Variants in PCBP3 observed in about 807,000 individuals in gnomAD.
The protein encoded by PCBP3 is poly(rC)-binding protein 3.
A neutral mutation model predicts 52.7 loss-of-function variants in PCBP3; 25 were observed. The ratio of observed to expected loss-of-function variants is 0.47; its 90% CI spans 0.35 to 0.66. The LOEUF (loss-of-function observed/expected upper bound fraction) is 0.66. Ranked by LOEUF, PCBP3 falls within the 30% of genes least tolerant of loss-of-function variation. The probability of loss-of-function intolerance (pLI) is 0.01; values close to 1 mark genes in which losing one functional copy is unlikely to be tolerated. For synonymous variants in PCBP3, 162 were observed against 183.0 expected, an observed-to-expected ratio of 0.89 and a Z score of 0.93; for missense variants, 391 against 490.3, an observed-to-expected ratio of 0.80 and a Z score of 1.91.
chr21:45,733,181 C>T (rs986146341), intron 2 of PCBP3, among the ~76,000 whole-genome samples: 1 of 152,118 alleles, frequency 6.6e-6, no homozygotes, highest in African/African-American at 2.4e-5. Context: ...TCTCTGCATG[C>T]TTGATTTGTG....
At chr21:45,940,756 C>T (rs1052741591) in intron 17 of PCBP3, among the ~76,000 whole-genome samples, 5 of 139,126 alleles carry the variant, frequency 3.6e-5, no homozygotes, top group African/African-American at 1.6e-4. Context: ...CCAGTCCCCC[C>T]GCCAGGCATG....
intron 4 of PCBP3, among the ~76,000 whole-genome samples, chr21:45,826,592 T>C (rs1379217900): frequency 6.6e-6 from 1 of 152,136 alleles, no homozygotes; most frequent in Non-Finnish European, 1.5e-5. Flanking sequence ...ACAAAGGTGC[T>C]GGGTATTTTA....
chr21:45,764,346 T>C (rs988672718), intron 4 of PCBP3, among the ~76,000 whole-genome samples: 12 of 152,186 alleles, frequency 7.9e-5, no homozygotes, highest in Non-Finnish European at 1.5e-5. Flanking sequence ...GGTCTCGAAC[T>C]CCCGACCTCA....
chr21:45,845,904 G>A (rs1224061461), intron 4 of PCBP3, among the ~76,000 whole-genome samples: 1 of 152,198 alleles, frequency 6.6e-6, no homozygotes, highest in Non-Finnish European at 1.5e-5. Flanking sequence ...TGTTACTCCC[G>A]GGGTCTCACA....
chr21:45,930,485 C>A (rs957209252), intron 14 of PCBP3, among the ~76,000 whole-genome samples: 3 of 152,214 alleles, frequency 2.0e-5, no homozygotes, highest in Non-Finnish European at 2.9e-5. Flanking sequence ...CTAGCCCAGT[C>A]GCTGTCATGA....
At chr21:45,644,186 C>G (rs2079100766) in intron 1 of PCBP3, among the ~76,000 whole-genome samples, 1 of 151,592 alleles carries the variant, frequency 6.6e-6, no homozygotes, top group African/African-American at 2.4e-5. Context: ...CAGAAAACGT[C>G]TGGACTACTT....
intron 5 of PCBP3, among the ~76,000 whole-genome samples, chr21:45,894,220 C>T (rs892222609): frequency 6.6e-5 from 10 of 152,180 alleles, no homozygotes; most frequent in Non-Finnish European, 1.5e-5. Context: ...GGCTGCAGCT[C>T]GCTGGCCTGT....
chr21:45,901,088 C>T lies in PCBP3; in HGVS notation c.314C>T (p.Ala105Val), dbSNP rs1033727137. Reference protein sequence around the residue: ...GPTDAIFKAFAMIAYKFEEDI... With the variant: ...GPTDAIFKAFVMIAYKFEEDI... ...ACAGACGCCATCTTCAAGGCCTTTGCCATGATCGCATACAAGTTTGAGGAG... is the reference window on the plus strand; with the variant it reads ...ACAGACGCCATCTTCAAGGCCTTTGTCATGATCGCATACAAGTTTGAGGAG... The change falls in exon 9 of 18, where the codon GCC (alanine) becomes GTC (valine). Residue 105 changes from alanine (A) to valine (V), a missense_variant. Physicochemically the swap from Ala to Val is moderately conservative, Grantham distance 64. Coordinates refer to ENST00000681687, the MANE Select transcript of PCBP3 (RefSeq NM_001384156.1). 25 of 1,613,284 alleles carry T rather than the reference C, an allele frequency of 1.5e-5. No homozygotes were observed. Among genetic ancestry groups the T allele is most frequent in the Non-Finnish European group, 2.1e-5 (25 of 1,179,238 alleles).
intron 3 of PCBP3, among the ~76,000 whole-genome samples, chr21:45,745,764 C>T (rs910289772): frequency 2.6e-5 from 4 of 152,294 alleles, no homozygotes; most frequent in South Asian, 2.1e-4. Flanking sequence ...CCTCCATAGG[C>T]GAGGATGAGG....
intron 2 of PCBP3, among the ~76,000 whole-genome samples, chr21:45,679,997 A>C (rs1395794761): frequency 3.3e-5 from 5 of 152,220 alleles, no homozygotes; most frequent in Non-Finnish European, 2.9e-5. Flanking sequence ...ATCATTTGAG[A>C]AACTCATTTC....
chr21:45,924,243 CGCGTGGATAGAA>C (rs2074990936), intron 13 of PCBP3, among the ~76,000 whole-genome samples: 1 of 140,804 alleles, frequency 7.1e-6, no homozygotes. Context: ...TGGGAACAGT[CGCGTGGATAGAA>C]ACAGCACACG....
intron 4 of PCBP3, among the ~76,000 whole-genome samples, chr21:45,767,075 T>C (rs74943027): frequency 0.025 from 3,757 of 152,176 alleles, 152 homozygotes; most frequent in African/African-American, 0.086. Context: ...TCACATAACA[T>C]AAACTGTGCC....
chr21:45,876,703 C>G (rs561980342), intron 5 of PCBP3, among the ~76,000 whole-genome samples: 1 of 152,368 alleles, frequency 6.6e-6, no homozygotes, highest in African/African-American at 2.4e-5. Context: ...GTCCTGGCCT[C>G]GTGCAGCCTG....
At chr21:45,889,174 G>A (rs932754012) in intron 5 of PCBP3, among the ~76,000 whole-genome samples, 1 of 152,194 alleles carries the variant, frequency 6.6e-6, no homozygotes, top group African/African-American at 2.4e-5. Context: ...TGTGGGAGTG[G>A]GGGTTCAGGC....
At chr21:45,841,902 C>T (rs2093706729) in intron 4 of PCBP3, among the ~76,000 whole-genome samples, 1 of 152,228 alleles carries the variant, frequency 6.6e-6, no homozygotes, top group African/African-American at 2.4e-5. Flanking sequence ...CCTTCCCTGA[C>T]TCTGTTGTCT....
At chr21:45,905,247 A>C (rs960311772) in intron 9 of PCBP3, among the ~76,000 whole-genome samples, 1 of 152,146 alleles carries the variant, frequency 6.6e-6, no homozygotes, top group African/African-American at 2.4e-5. Context: ...TCCTCCAACG[A>C]CCGCATCTCC....
chr21:45,701,219 GCAAA>G, intron 2 of PCBP3, among the ~76,000 whole-genome samples: 1 of 152,262 alleles, frequency 6.6e-6, no homozygotes, highest in East Asian at 1.9e-4. Context: ...AAACAAATAA[GCAAA>G]CAAACAGGTA....
chr21:45,691,706 G>T (rs546548556), intron 2 of PCBP3, among the ~76,000 whole-genome samples: 8 of 152,102 alleles, frequency 5.3e-5, no homozygotes, highest in African/African-American at 1.9e-4. Flanking sequence ...AACCCTTCTA[G>T]ATAAGCTAAA....
chr21:45,659,337 C>T (rs1452362263), intron 1 of PCBP3, among the ~76,000 whole-genome samples: 5 of 78,738 alleles, frequency 6.4e-5, no homozygotes, highest in African/African-American at 1.5e-4. Context: ...TTTTACTTTC[C>T]TTTTTTTTTT....
Sources: gnomAD v4.1 joint callset for allele counts (sites outside exome capture counted in the v4.1 genomes callset) on GRCh38, gnomAD v4.1.1 for gene constraint, MANE v1.5 for transcripts, NCBI Gene and HGNC (gene_info 2026-07-23, HGNC 2026-07-21) for gene names.